SLC71A1: variants seen among roughly 807,000 people sequenced by gnomAD.
The protein encoded by SLC71A1 is hippocampus abundant gene transcript 1.
the SLC71A1 span, among the ~76,000 whole-genome samples, chr1:100,063,956 C>T: frequency 6.6e-6 from 1 of 152,142 alleles, no homozygotes; most frequent in East Asian, 1.9e-4. Flanking sequence ...TAAATGCCCT[C>T]AAATGTCTTC....
At chr1:100,068,709 A>G in the SLC71A1 span, 3 of 664,152 alleles carry the variant, frequency 4.5e-6, no homozygotes, top group South Asian at 3.8e-5. Context: ...TGGACTTGGT[A>G]TAGTGGCTCA....
chr1:100,079,112 T>C, the SLC71A1 span: 1 of 152,216 alleles, frequency 6.6e-6, no homozygotes, highest in East Asian at 1.9e-4. Context: ...CCACAGAATA[T>C]TAACTAAGCA....
chr1:100,050,656 CTA>C, the SLC71A1 span, among the ~76,000 whole-genome samples: 1 of 152,028 alleles, frequency 6.6e-6, no homozygotes, highest in African/African-American at 2.4e-5. Flanking sequence ...AAGTAATATA[CTA>C]TGTTTTCATG....
chr1:100,058,723 G>A, the SLC71A1 span: 2 of 1,564,974 alleles, frequency 1.3e-6, no homozygotes, highest in African/African-American at 1.4e-5. Flanking sequence ...AATTCAAGGA[G>A]TAAAGGTAGG....
the SLC71A1 span, among the ~76,000 whole-genome samples, chr1:100,080,893 A>G: frequency 6.6e-6 from 1 of 152,200 alleles, no homozygotes; most frequent in Non-Finnish European, 1.5e-5. Context: ...TGTCAATGGC[A>G]TATGTAACAA....
At chr1:100,077,611 T>C in the SLC71A1 span, among the ~76,000 whole-genome samples, 1 of 152,232 alleles carries the variant, frequency 6.6e-6, no homozygotes, top group Admixed American at 6.5e-5. Context: ...TGAAAGTTAT[T>C]TACATTTTTT....
At chr1:100,083,294 C>G in the SLC71A1 span, 1 of 152,332 alleles carries the variant, frequency 6.6e-6, no homozygotes, top group African/African-American at 2.4e-5. Flanking sequence ...TTGGAACACT[C>G]ACTATGGTTA....
the SLC71A1 span, among the ~76,000 whole-genome samples, chr1:100,081,525 A>G: frequency 6.6e-6 from 1 of 152,136 alleles, no homozygotes; most frequent in South Asian, 2.1e-4. Flanking sequence ...GGCATATGCC[A>G]CCATGACCGG....
At chr1:100,041,498 A>G in the SLC71A1 span, among the ~76,000 whole-genome samples, 1 of 152,252 alleles carries the variant, frequency 6.6e-6, no homozygotes, top group African/African-American at 2.4e-5. Flanking sequence ...GTTCTGTTTG[A>G]AAACAGCATA....
chr1:100,077,662 T>C, the SLC71A1 span, among the ~76,000 whole-genome samples: 1 of 152,236 alleles, frequency 6.6e-6, no homozygotes, highest in Non-Finnish European at 1.5e-5. Context: ...TAACCAGTGA[T>C]CATTACTGAT....
At chr1:100,062,704 T>C in the SLC71A1 span, among the ~76,000 whole-genome samples, 6 of 152,182 alleles carry the variant, frequency 3.9e-5, no homozygotes, top group Non-Finnish European at 5.9e-5. Flanking sequence ...GACTGATTTC[T>C]GATTCAAAGG....
the SLC71A1 span, among the ~76,000 whole-genome samples, chr1:100,073,833 T>G: frequency 6.6e-6 from 1 of 152,228 alleles, no homozygotes. Context: ...TTAAGTCATT[T>G]AACCTTTGGG....
the SLC71A1 span, chr1:100,080,446 G>GA: frequency 3.5e-5 from 53 of 1,513,944 alleles, no homozygotes; most frequent in South Asian, 4.7e-5. Flanking sequence ...CTAAGGTAGG[G>GA]AAAAAAAACC....
At chr1:100,063,912 T>A in the SLC71A1 span, among the ~76,000 whole-genome samples, 1 of 152,296 alleles carries the variant, frequency 6.6e-6, no homozygotes, top group East Asian at 1.9e-4. Flanking sequence ...ACAACTGTAC[T>A]GACTTGCTCA....
At chr1:100,076,143 T>G in the SLC71A1 span, among the ~76,000 whole-genome samples, 1 of 152,240 alleles carries the variant, frequency 6.6e-6, no homozygotes, top group South Asian at 2.1e-4. Context: ...TTCTAATTGC[T>G]CAAAAATCCT....
At chr1:100,067,945 A>C in the SLC71A1 span, 7 of 1,583,282 alleles carry the variant, frequency 4.4e-6, no homozygotes, top group Admixed American at 1.2e-4. Flanking sequence ...AAGTAGCCTG[A>C]CTAATCTCTG....
At chr1:100,038,763 C>T in the SLC71A1 span, among the ~76,000 whole-genome samples, 2 of 152,236 alleles carry the variant, frequency 1.3e-5, no homozygotes, top group Non-Finnish European at 2.9e-5. Flanking sequence ...ATGTTGCTAA[C>T]GGGGTGGCGT....
chr1:100,055,052 G>T, the SLC71A1 span, among the ~76,000 whole-genome samples: 1 of 152,214 alleles, frequency 6.6e-6, no homozygotes, highest in South Asian at 2.1e-4. Flanking sequence ...GAAGCGAACA[G>T]ATTGATTGGA....
the SLC71A1 span, chr1:100,058,176 T>C: frequency 6.6e-6 from 1 of 152,278 alleles, no homozygotes; most frequent in Non-Finnish European, 1.5e-5. Context: ...TTTTTTTCTT[T>C]ATAGAATCTT....
Sources: gnomAD v4.1 joint callset for allele counts (sites outside exome capture counted in the v4.1 genomes callset) on GRCh38, gnomAD v4.1.1 for gene constraint, MANE v1.5 for transcripts, NCBI Gene and HGNC (gene_info 2026-07-23, HGNC 2026-07-21) for gene names.